NXPH1: variants seen among roughly 807,000 people sequenced by gnomAD.
NXPH1 encodes neurexophilin 1.
NXPH1 carries 5 observed loss-of-function variants against 23.7 expected under a neutral mutation model. The observed-to-expected ratio is 0.21, with a 90% CI of 0.11 to 0.44. The LOEUF (loss-of-function observed/expected upper bound fraction) is 0.44, where lower values mean the gene tolerates loss of function less well. NXPH1 is among the 20% of genes least tolerant of loss of function. The pLI is 0.99. For synonymous variants in NXPH1, 144 were observed against 122.2 expected, an observed-to-expected ratio of 1.18 and a Z score of -1.18; for missense variants, 324 against 321.6, an observed-to-expected ratio of 1.01 and a Z score of -0.06.
At chr7:8,522,206 A>G (rs562210316) in intron 2 of NXPH1, among the ~76,000 whole-genome samples, 24 of 152,310 alleles carry the variant, frequency 1.6e-4, no homozygotes, top group Admixed American at 3.9e-4. Context: ...AACAAAGACC[A>G]TAAGAATCCC....
At chr7:8,498,970 A>C (rs1399314168) in intron 2 of NXPH1, among the ~76,000 whole-genome samples, 1 of 152,064 alleles carries the variant, frequency 6.6e-6, no homozygotes, top group Non-Finnish European at 1.5e-5. Context: ...ATTTGAGTAT[A>C]AAGTTTGGTA....
chr7:8,720,857 C>G (rs980544395), intron 2 of NXPH1, among the ~76,000 whole-genome samples: 1 of 152,142 alleles, frequency 6.6e-6, no homozygotes, highest in African/African-American at 2.4e-5. Context: ...AAATGATTTG[C>G]AGTGCACATC....
At chr7:8,678,770 G>C (rs1820996067) in intron 2 of NXPH1, among the ~76,000 whole-genome samples, 1 of 150,344 alleles carries the variant, frequency 6.7e-6, no homozygotes, top group Admixed American at 6.6e-5. Context: ...ACTACTCCTA[G>C]GGAAAAAAAA....
At chr7:8,666,628 T>A (rs1820771841) in intron 2 of NXPH1, among the ~76,000 whole-genome samples, 1 of 152,092 alleles carries the variant, frequency 6.6e-6, no homozygotes, top group African/African-American at 2.4e-5. Context: ...TCTTTAGATG[T>A]TAGAATTCAG....
chr7:8,468,875 T>C (rs1584175462), intron 2 of NXPH1, among the ~76,000 whole-genome samples: 1 of 152,112 alleles, frequency 6.6e-6, no homozygotes, highest in African/African-American at 2.4e-5. Flanking sequence ...GGTAGTTTCA[T>C]CTAAAATAAT....
At chr7:8,548,724 T>C (rs1296190632) in intron 2 of NXPH1, among the ~76,000 whole-genome samples, 4 of 151,656 alleles carry the variant, frequency 2.6e-5, no homozygotes, top group Admixed American at 2.0e-4. Context: ...GGACCTGTGC[T>C]CATTCACTTA....
chr7:8,641,549 C>T (rs918909137), intron 2 of NXPH1, among the ~76,000 whole-genome samples: 1 of 152,134 alleles, frequency 6.6e-6, no homozygotes. Flanking sequence ...CAACAATTTT[C>T]AACATTTTTA....
intron 2 of NXPH1, among the ~76,000 whole-genome samples, chr7:8,749,055 T>C (rs1201459864): frequency 1.3e-5 from 2 of 152,218 alleles, no homozygotes; most frequent in Non-Finnish European, 2.9e-5. Context: ...CCCATTTTTT[T>C]CCACATTCCA....
intron 2 of NXPH1, among the ~76,000 whole-genome samples, chr7:8,573,692 G>A (rs1346371221): frequency 6.6e-6 from 1 of 152,116 alleles, no homozygotes; most frequent in Non-Finnish European, 1.5e-5. Context: ...CTGAGTAGGA[G>A]AATGCCATGA....
At chr7:8,722,255 T>G (rs901769463) in intron 2 of NXPH1, among the ~76,000 whole-genome samples, 5 of 152,116 alleles carry the variant, frequency 3.3e-5, no homozygotes, top group Non-Finnish European at 5.9e-5. Context: ...GAATAGAAAA[T>G]CTGACATTTT....
rs1482508394 is a variant in NXPH1, at chr7:8,751,895, C to T, written c.*126C>T. On this transcript the variant is annotated 3_prime_UTR_variant, in exon 3 of 3. Coordinates refer to ENST00000405863, the MANE Select transcript of NXPH1 (RefSeq NM_152745.3). This position sits in a 1 kb window ranked among gnomAD's most constrained non-coding sequence, Gnocchi z 4.5. ...CTACACTGCTGCTCTTGTCAACTGG[C>T]TGCAAAATACACTAGTGGAAAACAC... 10 of 844,790 alleles carry T rather than the reference C, an allele frequency of 1.2e-5. No individual in the cohort carries two copies. In the Admixed American group the frequency reaches 2.9e-4, roughly 25 times the overall value. The allele number at this position is 844,790 out of a possible 1,614,324, so 52.3% of individuals were successfully genotyped here. A position where few individuals can be genotyped will look rare whatever the true frequency, so the allele number is the denominator to read the frequency against.
At chr7:8,709,481 C>G (rs1445075730) in intron 2 of NXPH1, among the ~76,000 whole-genome samples, 1 of 152,148 alleles carries the variant, frequency 6.6e-6, no homozygotes, top group Non-Finnish European at 1.5e-5. Flanking sequence ...ACCTACCTCT[C>G]TGTAACATCA....
intron 2 of NXPH1, among the ~76,000 whole-genome samples, chr7:8,572,945 A>AT (rs953339125): frequency 5.8e-4 from 88 of 150,958 alleles, no homozygotes; most frequent in Non-Finnish European, 9.0e-4. Flanking sequence ...TCAGTATGTT[A>AT]TTTTTTTTCT....
At chr7:8,465,565 C>T (rs1009014354) in intron 2 of NXPH1, among the ~76,000 whole-genome samples, 2 of 152,258 alleles carry the variant, frequency 1.3e-5, no homozygotes, top group Admixed American at 6.5e-5. Context: ...GCTAGTGTAG[C>T]GCAAGATACC....
chr7:8,547,928 C>T (rs73050653), intron 2 of NXPH1, among the ~76,000 whole-genome samples: 12,890 of 151,398 alleles, frequency 0.085, 613 homozygotes, highest in Middle Eastern at 0.13. Context: ...TTTGCTATCG[C>T]GAATAGTGCT....
chr7:8,607,476 T>C (rs1819520287), intron 2 of NXPH1, among the ~76,000 whole-genome samples: 1 of 152,218 alleles, frequency 6.6e-6, no homozygotes, highest in Admixed American at 6.5e-5. Flanking sequence ...ATGTTATCAG[T>C]ATAATTACTA....
chr7:8,634,853 G>A (rs1583207953), intron 2 of NXPH1, among the ~76,000 whole-genome samples: 1 of 151,938 alleles, frequency 6.6e-6, no homozygotes, highest in Admixed American at 6.6e-5. Flanking sequence ...CCAAGAATAA[G>A]TATTGAGAAC....
intron 2 of NXPH1, among the ~76,000 whole-genome samples, chr7:8,677,652 A>T (rs372953930): frequency 2.0e-5 from 3 of 152,150 alleles, no homozygotes; most frequent in African/African-American, 7.2e-5. Context: ...AAAAGAAAGA[A>T]AGAAACCTTC....
chr7:8,454,946 A>G (rs1200312993), intron 2 of NXPH1, among the ~76,000 whole-genome samples: 22 of 152,208 alleles, frequency 1.4e-4, no homozygotes, highest in Admixed American at 1.4e-3. Context: ...AAGAGATTTC[A>G]AAAGAAGTAT....
Sources: allele counts gnomAD v4.1 joint callset (sites outside exome capture counted in the v4.1 genomes callset), GRCh38; gene constraint gnomAD v4.1.1; non-coding constraint Gnocchi (gnomAD v3.1); transcripts MANE v1.5; gene names NCBI Gene and HGNC (gene_info 2026-07-23, HGNC 2026-07-21).